MYO1H: variants seen among roughly 807,000 people sequenced by gnomAD.
MYO1H encodes the protein unconventional myosin-Ih.
MYO1H carries 118 observed loss-of-function variants against 149.3 expected under a neutral mutation model. The ratio of observed to expected loss-of-function variants is 0.79; its 90% CI spans 0.68 to 0.92. MYO1H has a LOEUF of 0.92. MYO1H is among the 40% of genes least tolerant of loss of function. The pLI is 0.00. For synonymous variants in MYO1H, 447 were observed against 465.2 expected, an observed-to-expected ratio of 0.96 and a Z score of 0.50; for missense variants, 1,212 against 1,280.7, an observed-to-expected ratio of 0.95 and a Z score of 0.82.
chr12:109,327,093 T>C, the MYO1H span, among the ~76,000 whole-genome samples: 1 of 151,598 alleles, frequency 6.6e-6, no homozygotes, highest in Non-Finnish European at 1.5e-5. Context: ...CCCCAGCTCC[T>C]GTAGTTATTT....
intron 1 of MYO1H, among the ~76,000 whole-genome samples, chr12:109,368,114 C>T (rs956170015): frequency 2.6e-5 from 4 of 152,156 alleles, no homozygotes; most frequent in Non-Finnish European, 5.9e-5. Flanking sequence ...TACTGGTTCT[C>T]TCAAAGAAAA....
exon 6 of MYO1H, chr12:109,401,114 A>T: frequency 1.2e-6 from 2 of 1,613,962 alleles, no homozygotes; most frequent in Non-Finnish European, 1.7e-6. Flanking sequence ...AGGTGGGCAT[A>T]TCATCAGTTA....
At chr12:109,348,311 A>C (rs1247126417) in intron 1 of MYO1H, among the ~76,000 whole-genome samples, 1 of 152,192 alleles carries the variant, frequency 6.6e-6, no homozygotes, top group Non-Finnish European at 1.5e-5. Flanking sequence ...ATGTGTGACT[A>C]CTGAGTGGTT....
intron 30 of MYO1H, chr12:109,445,272 A>G (rs777892544): frequency 7.7e-5 from 33 of 430,188 alleles, no homozygotes; most frequent in Non-Finnish European, 1.2e-4. Flanking sequence ...ATAGACATCA[A>G]CTGACCCTTT....
the MYO1H span, among the ~76,000 whole-genome samples, chr12:109,318,404 G>A: frequency 6.6e-6 from 1 of 152,146 alleles, no homozygotes; most frequent in African/African-American, 2.4e-5. Flanking sequence ...TGGTCTTGGT[G>A]ATTGGCCTCC....
At chr12:109,344,787 C>G (rs1202945427), upstream of MYO1H, among the ~76,000 whole-genome samples, 1 of 152,130 alleles carries the variant, frequency 6.6e-6, no homozygotes, top group Non-Finnish European at 1.5e-5. Flanking sequence ...ACATGTAGAT[C>G]AATGGAATAG....
At chr12:109,338,541 G>A in the MYO1H span, among the ~76,000 whole-genome samples, 1 of 152,172 alleles carries the variant, frequency 6.6e-6, no homozygotes, top group African/African-American at 2.4e-5. Context: ...GCCAAGAAGG[G>A]CAGATCACTT....
chr12:109,332,232 C>T, the MYO1H span, among the ~76,000 whole-genome samples: 3 of 152,142 alleles, frequency 2.0e-5, no homozygotes, highest in African/African-American at 7.2e-5. Flanking sequence ...TTGGAAATTG[C>T]AGAAGTTCTA....
intron 17 of MYO1H, 23 bp downstream of exon 17, chr12:109,424,851 C>A (rs1871300129): frequency 1.2e-6 from 2 of 1,601,304 alleles, no homozygotes; most frequent in East Asian, 2.2e-5. Flanking sequence ...AACACCCATG[C>A]AAAATTGGAT....
At chr12:109,422,678 G>A (rs1303769304) in intron 16 of MYO1H, among the ~76,000 whole-genome samples, 1 of 152,128 alleles carries the variant, frequency 6.6e-6, no homozygotes, top group Non-Finnish European at 1.5e-5. Context: ...CTTCAGGACG[G>A]AACACTTCTC....
chr12:109,391,526 G>C (rs930790226), intron 2 of MYO1H, among the ~76,000 whole-genome samples: 1 of 152,118 alleles, frequency 6.6e-6, no homozygotes, highest in African/African-American at 2.4e-5. Context: ...GTTGTGAATA[G>C]TGCCGCAGTG....
intron 1 of MYO1H, among the ~76,000 whole-genome samples, chr12:109,375,603 A>G (rs74426091): frequency 0.059 from 9,004 of 152,206 alleles, 872 homozygotes; most frequent in African/African-American, 0.21. Flanking sequence ...TTTTTATATC[A>G]TTTAATAAAA....
chr12:109,311,779 A>G, the MYO1H span, among the ~76,000 whole-genome samples: 1 of 152,174 alleles, frequency 6.6e-6, no homozygotes, highest in Admixed American at 6.5e-5. Flanking sequence ...TGATTTCTTC[A>G]GATTCCCTAT....
chr12:109,319,711 A>G, the MYO1H span, among the ~76,000 whole-genome samples: 1 of 152,136 alleles, frequency 6.6e-6, no homozygotes, highest in Non-Finnish European at 1.5e-5. Context: ...TTGGGGCTGG[A>G]TGATTTTTTG....
intron 22 of MYO1H, among the ~76,000 whole-genome samples, chr12:109,437,885 C>A (rs530723369): frequency 6.6e-6 from 1 of 151,968 alleles, no homozygotes; most frequent in Non-Finnish European, 1.5e-5. Context: ...GTCAGGAGTT[C>A]GAGATCAGCC....
At chr12:109,409,763 C>T in intron 11 of MYO1H, 139 bp downstream of exon 11, 1 of 807,528 alleles carries the variant, frequency 1.2e-6, no homozygotes, top group Non-Finnish European at 2.1e-6. Context: ...TTCTAACTCA[C>T]AGACCATCCT....
exon 9 of MYO1H, chr12:109,406,854 T>C (rs370415094): frequency 3.7e-6 from 6 of 1,613,822 alleles, no homozygotes; most frequent in Non-Finnish European, 5.1e-6. Context: ...AAGCCAAAAC[T>C]GAGGAGGTAA....
the MYO1H span, among the ~76,000 whole-genome samples, chr12:109,341,168 GACAGA>G: frequency 8.3e-6 from 1 of 120,034 alleles, no homozygotes; most frequent in Non-Finnish European, 1.6e-5. Context: ...TAGCCTGGGT[GACAGA>G]GCGAGACTCC....
chr12:109,443,489 T>C (rs78536103), intron 27 of MYO1H, 25 bp from the exon 28 acceptor site: 105,502 of 1,608,778 alleles, frequency 0.066, 3,891 homozygotes, highest in South Asian at 0.11. Context: ...CCACCTTCCC[T>C]GGTGAAGTCA....
Sources: gnomAD v4.1 joint callset for allele counts (sites outside exome capture counted in the v4.1 genomes callset) on GRCh38, gnomAD v4.1.1 for gene constraint, MANE v1.5 for transcripts, NCBI Gene and HGNC (gene_info 2026-07-23, HGNC 2026-07-21) for gene names.